The following CCDC63 variants were observed in gnomAD, a reference collection of about 807,000 sequenced individuals.
CCDC63 encodes coiled-coil domain-containing protein 63.
CCDC63 carries 54 observed loss-of-function variants against 63.6 expected under a neutral mutation model. The ratio of observed to expected loss-of-function variants is 0.85; its 90% CI spans 0.68 to 1.07. The LOEUF (loss-of-function observed/expected upper bound fraction) is 1.07. CCDC63 is among the 50% of genes least tolerant of loss of function. The pLI is 0.00. For synonymous variants in CCDC63, 253 were observed against 266.1 expected (o/e 0.95, Z 0.48); for missense variants, 637 against 689.6 (o/e 0.92, Z 0.86).
At chr12:110,906,816 TG>T (rs1415742648) in intron 11 of CCDC63, among the ~76,000 whole-genome samples, 1 of 152,184 alleles carries the variant, frequency 6.6e-6, no homozygotes, top group Non-Finnish European at 1.5e-5. Flanking sequence ...TGGGCCAAGC[TG>T]CTGGTTAAGT....
At chr12:110,866,425 G>A (rs1394206759) in intron 4 of CCDC63, among the ~76,000 whole-genome samples, 1 of 148,004 alleles carries the variant, frequency 6.8e-6, no homozygotes, top group African/African-American at 2.5e-5. Flanking sequence ...ATAAACAAGT[G>A]AACAAAGGTC....
At chr12:110,863,263 C>CGTGTGTGTGT (rs34959062) in intron 4 of CCDC63, among the ~76,000 whole-genome samples, 1 of 149,130 alleles carries the variant, frequency 6.7e-6, no homozygotes, top group Non-Finnish European at 1.5e-5. Flanking sequence ...GTGACACACA[C>CGTGTGTGTGT]GTGTGTGTGT....
At chr12:110,886,816 T>C (rs763263630) in intron 8 of CCDC63, among the ~76,000 whole-genome samples, 10 of 152,120 alleles carry the variant, frequency 6.6e-5, no homozygotes, top group Non-Finnish European at 1.3e-4. Context: ...AGGACCCTCA[T>C]GCCACTCTCT....
intron 6 of CCDC63, among the ~76,000 whole-genome samples, chr12:110,880,685 A>G (rs374826126): frequency 0.013 from 5 of 376 alleles, no homozygotes; most frequent in African/African-American, 0.028. Context: ...GGTGACGATA[A>G]TGATGGTAAT....
intron 10 of CCDC63, among the ~76,000 whole-genome samples, chr12:110,903,068 G>A (rs1334282256): frequency 6.6e-6 from 1 of 152,004 alleles, no homozygotes; most frequent in Non-Finnish European, 1.5e-5. Flanking sequence ...GTAGAGATGG[G>A]GTTTCACCAT....
At chr12:110,899,562 C>T (rs919911508) in intron 10 of CCDC63, among the ~76,000 whole-genome samples, 17 of 152,028 alleles carry the variant, frequency 1.1e-4, no homozygotes, top group South Asian at 4.2e-4. Context: ...TCAAGTGATC[C>T]GCCCTCCTTG....
In CCDC63 at chr12:110,893,990, C is replaced by CAA. The variant is rs35844792; in HGVS notation, c.1149+856_1149+857dup. Among the ~76,000 whole-genome samples the CAA allele has an allele frequency of 2.9e-3, 342 of 117,534 alleles. 3 individuals carry two copies. Among genetic ancestry groups the CAA allele is most frequent in the Middle Eastern group, 4.5e-3 (1 of 222 alleles). 77.1% of individuals were successfully genotyped at this position (117,534 alleles called of 152,430 possible). A position where few individuals can be genotyped will look rare whatever the true frequency, so the allele number is the denominator to read the frequency against. On this transcript the variant is annotated intron_variant, in intron 9 of 11. Transcript: ENST00000308208. ...TGGGCAACACAGTGAGACCCTGTCT[C>CAA]AAAAAAAAAAAAAAAAAGGAAATAA...
chr12:110,882,207 A>C (rs1476184634), intron 7 of CCDC63, among the ~76,000 whole-genome samples: 2 of 152,190 alleles, frequency 1.3e-5, no homozygotes, highest in African/African-American at 2.4e-5. Flanking sequence ...GTGACCACAC[A>C]TCATGTCAAG....
chr12:110,896,721 C>T (rs138003547), intron 9 of CCDC63, among the ~76,000 whole-genome samples: 3 of 152,308 alleles, frequency 2.0e-5, no homozygotes, highest in Non-Finnish European at 2.9e-5. Flanking sequence ...GCCCAGGCTG[C>T]GCCCCAGGCC....
intron 2 of CCDC63, 136 bp downstream of exon 2, chr12:110,853,099 C>T (rs2070726712): frequency 1.0e-6 from 1 of 985,606 alleles, no homozygotes; most frequent in Non-Finnish European, 1.6e-6. Flanking sequence ...AGGCTGGAGG[C>T]TCAGAGACAT....
intron 10 of CCDC63, 123 bp downstream of exon 10, chr12:110,899,248 C>A: frequency 1.2e-6 from 1 of 811,332 alleles, no homozygotes; most frequent in South Asian, 2.0e-5. Context: ...GCACTAAAGC[C>A]AGCCTGCCTG....
chr12:110,858,829 TG>T, intron 4 of CCDC63, 54 bp downstream of exon 4: 1 of 1,521,448 alleles, frequency 6.6e-7, no homozygotes. Context: ...GGGGAGGAGT[TG>T]GGGTGCATAT....
At chr12:110,885,164 A>G (rs531658728) in intron 8 of CCDC63, among the ~76,000 whole-genome samples, 1 of 151,232 alleles carries the variant, frequency 6.6e-6, no homozygotes, top group Admixed American at 6.6e-5. Context: ...TTACATTTTT[A>G]AAGGATTGTA....
intron 4 of CCDC63, among the ~76,000 whole-genome samples, chr12:110,859,250 A>G (rs1162458239): frequency 6.7e-6 from 1 of 148,296 alleles, no homozygotes; most frequent in East Asian, 1.9e-4. Flanking sequence ...TGGGAAAGAA[A>G]GAGTTCTAGA....
intron 11 of CCDC63, among the ~76,000 whole-genome samples, chr12:110,906,867 C>T (rs2071594566): frequency 1.3e-5 from 2 of 152,180 alleles, no homozygotes; most frequent in South Asian, 4.1e-4. Flanking sequence ...ACTGTCTTCA[C>T]ATCTGTTCAA....
intron 9 of CCDC63, among the ~76,000 whole-genome samples, chr12:110,893,508 T>C (rs2071382897): frequency 6.6e-6 from 1 of 152,222 alleles, no homozygotes; most frequent in African/African-American, 2.4e-5. Flanking sequence ...TTGTCCTGCC[T>C]GTGCCCTGTT....
upstream of CCDC63, among the ~76,000 whole-genome samples, chr12:110,844,836 T>C (rs1466396215): frequency 6.6e-5 from 10 of 152,104 alleles, no homozygotes; most frequent in Non-Finnish European, 1.3e-4. Context: ...AAGAAAAAAA[T>C]TCATTTTGAG....
intron 1 of CCDC63, among the ~76,000 whole-genome samples, chr12:110,851,033 G>C (rs1415631266): frequency 6.6e-6 from 1 of 152,158 alleles, no homozygotes; most frequent in Non-Finnish European, 1.5e-5. Context: ...TCATAGGCAG[G>C]ATTTATGGCA....
intron 11 of CCDC63, among the ~76,000 whole-genome samples, chr12:110,906,613 G>A (rs2071588034): frequency 6.6e-6 from 1 of 151,888 alleles, no homozygotes; most frequent in African/African-American, 2.4e-5. Flanking sequence ...CAAGGATGTA[G>A]AGACCCCCAA....
Sources: allele counts gnomAD v4.1 joint callset (sites outside exome capture counted in the v4.1 genomes callset), GRCh38; gene constraint gnomAD v4.1.1; transcripts MANE v1.5; gene names NCBI Gene and HGNC (gene_info 2026-07-23, HGNC 2026-07-21).